LAMA1: variants seen among roughly 807,000 people sequenced by gnomAD.
LAMA1 encodes the protein laminin subunit alpha-1.
Under a neutral mutation model 348.7 loss-of-function variants are expected in LAMA1, and 219 were observed. The observed-to-expected ratio is 0.63, with a 90% confidence interval of 0.56 to 0.70. LAMA1 has a LOEUF of 0.70. Ranked by LOEUF, LAMA1 falls within the 30% of genes least tolerant of loss-of-function variation. The pLI, the probability that LAMA1 is intolerant of heterozygous loss-of-function variation, is 0.00. For missense variants in LAMA1, 3,744 were observed against 3,888.0 expected, an observed-to-expected ratio of 0.96 and a Z score of 0.99; for synonymous variants, 1,487 against 1,491.0, an observed-to-expected ratio of 1.00 and a Z score of 0.06.
At chr18:7,091,865 T>C (rs1164461764) in intron 1 of LAMA1, among the ~76,000 whole-genome samples, 2 of 152,166 alleles carry the variant, frequency 1.3e-5, no homozygotes, top group Non-Finnish European at 2.9e-5. Flanking sequence ...ATCAAATCAT[T>C]TGGCACTTGA....
At chr18:6,981,102 CAAAAAAAA>C (rs1216591782) in intron 41 of LAMA1, among the ~76,000 whole-genome samples, 1 of 76,780 alleles carries the variant, frequency 1.3e-5, no homozygotes, top group South Asian at 4.1e-4. Context: ...GACTCCGTCT[CAAAAAAAA>C]AAAAAAAGAA....
At chr18:7,089,625 G>A (rs985450886) in intron 1 of LAMA1, among the ~76,000 whole-genome samples, 4 of 152,158 alleles carry the variant, frequency 2.6e-5, no homozygotes, top group African/African-American at 7.2e-5. Context: ...CTCCAGCCCC[G>A]GTCCTCAATA....
At chr18:7,066,262 A>AT (rs2058122578) in intron 3 of LAMA1, among the ~76,000 whole-genome samples, 1 of 152,202 alleles carries the variant, frequency 6.6e-6, no homozygotes, top group Admixed American at 6.6e-5. Context: ...AAATCGACAC[A>AT]TTTTTCAGAT....
chr18:7,019,543 CAAGGAGGGAGGCGAAAT>C (rs2057905731), intron 19 of LAMA1, among the ~76,000 whole-genome samples: 1 of 152,014 alleles, frequency 6.6e-6, no homozygotes, highest in African/African-American at 2.4e-5. Flanking sequence ...CACCACAAAC[CAAGGAGGGAGGCGAAAT>C]AATGTTCTCT....
chr18:6,955,453 C>T lies in LAMA1; in HGVS notation c.8107G>A (p.Val2703Met). 6.2e-7 allele frequency: 1 copy of T among 1,613,930 alleles called. No individual in the cohort carries two copies. The stretch of plus-strand genomic sequence containing the variant: ...GGAACGTACTCCAGAGCTGCATCCA[C>T]CACACACTGTTCCTGTAAGAGACAC... ...EPRAFPEQCV[V>M]DAALEYVPGA... Residue 2703 changes from valine to methionine, a missense_variant, in exon 57 of 63, where the codon GTG (valine) becomes ATG (methionine). Around this residue, in one of 3 missense-constraint regions of LAMA1, gnomAD observed 1,983 missense variants for 1,934.3 expected, o/e 1.03. Coordinates refer to ENST00000389658, the MANE Select transcript of LAMA1 (RefSeq NM_005559.4).
Position 6,958,579 on chromosome 18 carries a change from G to T in LAMA1, c.7862C>A (p.Ser2621Tyr). 6.2e-7 allele frequency: 1 copy of T among 1,614,158 alleles called. No homozygotes were observed. The highest frequency in any genetic ancestry group is 8.5e-7 in the Non-Finnish European group (1 of 1,179,992). ...TGGAATTCCCCCGACGTACAGATTG[G>T]ACACATTTATCGTCCTGCTTTCTAC... The part of the protein sequence containing the change: ...TLVESRTINV[S>Y]NLYVGGIPEG... The change falls in exon 55 of 63, where the codon TCC (serine) becomes TAC (tyrosine). Residue 2621 changes from serine to tyrosine, a missense_variant. Transcript: ENST00000389658.
At chr18:7,053,204 T>C (rs557599027) in intron 3 of LAMA1, among the ~76,000 whole-genome samples, 10 of 152,122 alleles carry the variant, frequency 6.6e-5, no homozygotes, top group South Asian at 6.2e-4. Flanking sequence ...GATGAATAGG[T>C]GGGGCACAGG....
intron 14 of LAMA1, among the ~76,000 whole-genome samples, chr18:7,033,859 T>TGAATAGCTG: frequency 6.6e-6 from 1 of 152,202 alleles, no homozygotes; most frequent in South Asian, 2.1e-4. Context: ...CTCAGCCTCC[T>TGAATAGCTG]GAATAGCTGG....
At chr18:6,949,357 C>T in intron 58 of LAMA1, 98 bp from the exon 59 acceptor site, 1 of 1,168,010 alleles carries the variant, frequency 8.6e-7, no homozygotes, top group South Asian at 1.3e-5. Flanking sequence ...TTTCTGAGAG[C>T]TATAACAACC....
At chr18:6,942,704 G>T (rs1398376187) in intron 62 of LAMA1, among the ~76,000 whole-genome samples, 2 of 152,076 alleles carry the variant, frequency 1.3e-5, no homozygotes, top group African/African-American at 4.8e-5. Flanking sequence ...GTAAGCCACC[G>T]CACCTGGCCA....
chr18:7,095,999 C>T (rs1024306695), intron 1 of LAMA1, among the ~76,000 whole-genome samples: 1 of 152,168 alleles, frequency 6.6e-6, no homozygotes, highest in African/African-American at 2.4e-5. Context: ...ACCTAGGAGG[C>T]GGAGGTTGCA....
intron 3 of LAMA1, among the ~76,000 whole-genome samples, chr18:7,063,608 T>C (rs935598984): frequency 2.0e-5 from 3 of 152,104 alleles, no homozygotes; most frequent in African/African-American, 7.2e-5. Flanking sequence ...CAGGTACCCG[T>C]TGATGGATGA....
chr18:7,067,606 A>C (rs866340915), intron 3 of LAMA1, among the ~76,000 whole-genome samples: 2 of 152,154 alleles, frequency 1.3e-5, no homozygotes, highest in Non-Finnish European at 2.9e-5. Flanking sequence ...AATGGCTTAT[A>C]CAAGTGTCTG....
At chr18:7,098,310 A>G (rs1426863265) in intron 1 of LAMA1, among the ~76,000 whole-genome samples, 1 of 140,134 alleles carries the variant, frequency 7.1e-6, no homozygotes, top group African/African-American at 2.7e-5. Context: ...CTGGCCGCCC[A>G]TCGTCTGGGA....
intron 46 of LAMA1, among the ~76,000 whole-genome samples, chr18:6,974,478 T>C (rs187703053): frequency 0.034 from 5,043 of 146,360 alleles, 282 homozygotes; most frequent in African/African-American, 0.12. Context: ...TTTTTTGAGA[T>C]GGGAGTCTCG....
chr18:7,053,821 C>T (rs553343487), intron 3 of LAMA1, among the ~76,000 whole-genome samples: 41 of 149,342 alleles, frequency 2.7e-4, no homozygotes, highest in African/African-American at 9.8e-4. Flanking sequence ...CACTCTGTTG[C>T]CCAGGCTGCT....
chr18:7,008,480 C>T lies in LAMA1; in HGVS notation c.4122+8G>A, dbSNP rs1164693340. 4 of 1,613,920 alleles carry T rather than the reference C, an allele frequency of 2.5e-6. No homozygotes were observed. The South Asian group carries it at 4.4e-5, about 18-fold the overall frequency. ...CCAGGAAATAGATTTCGACTAGAGT[C>T]TCCGTACCTGACATGAGAATCCCAC... On this transcript the variant is annotated splice_region_variant and intron_variant, in intron 28 of 62. Coordinates refer to ENST00000389658, the MANE Select transcript of LAMA1 (RefSeq NM_005559.4).
intron 1 of LAMA1, among the ~76,000 whole-genome samples, chr18:7,109,206 G>A (rs564876718): frequency 1.6e-4 from 25 of 152,276 alleles, no homozygotes; most frequent in African/African-American, 5.1e-4. Context: ...TCCAGAGTCC[G>A]GGGACCGGCT....
At chr18:7,017,696 C>T (rs1284913882) in intron 19 of LAMA1, among the ~76,000 whole-genome samples, 2 of 152,162 alleles carry the variant, frequency 1.3e-5, no homozygotes, top group Admixed American at 1.3e-4. Context: ...CCATGAAAAA[C>T]ATGCAATGGA....
Sources: allele counts gnomAD v4.1 joint callset (sites outside exome capture counted in the v4.1 genomes callset), GRCh38; gene constraint gnomAD v4.1.1; regional missense constraint gnomAD v4.1.1; transcripts MANE v1.5; gene names NCBI Gene and HGNC (gene_info 2026-07-23, HGNC 2026-07-21).